Variants in FRAS1 observed in about 807,000 individuals in gnomAD.
FRAS1 encodes Fraser extracellular matrix complex subunit 1, also known as extracellular matrix organizing protein FRAS1.
FRAS1 carries 290 observed loss-of-function variants against 435.2 expected under a neutral mutation model. That is an observed-to-expected ratio of 0.67 (90% CI 0.61 to 0.73). The LOEUF is 0.73. FRAS1 is among the 30% of genes least tolerant of loss of function. The pLI is 0.00. For missense variants in FRAS1, 4,860 were observed against 5,001.5 expected (o/e 0.97, Z 0.85); for synonymous variants, 1,800 against 1,851.0 (o/e 0.97, Z 0.71).
At position 78,066,129 on chromosome 4, in the gene FRAS1, AAC is replaced by A; in HGVS notation, c.108+114_108+115del. The A allele has an allele frequency of 3.9e-6, 3 of 777,552 alleles. No individual in the cohort carries two copies. The South Asian group carries it at 4.6e-5, about 12-fold the overall frequency. The allele number at this position is 777,552 out of a possible 1,614,324, so 48.2% of individuals were successfully genotyped here. A position where few individuals can be genotyped will look rare whatever the true frequency, so the allele number is the denominator to read the frequency against. On this transcript the variant is annotated intron_variant, in intron 2 of 73. Transcript: ENST00000512123. ...TTGTAGAATATGTTTATTTTTCTTC[AAC>A]GTTTGACAATTAGCCCTCATTCGGG... is the stretch of plus-strand genomic sequence containing the variant.
Position 78,477,947 on chromosome 4 carries a change from C to G in FRAS1, c.7984C>G (p.Gln2662Glu). 1 of 1,613,542 alleles carries G rather than the reference C, an allele frequency of 6.2e-7. No individual in the cohort carries two copies. The highest frequency in any genetic ancestry group is 8.5e-7 in the Non-Finnish European group (1 of 1,179,764). Reference sequence around the variant, plus strand: ...TTATGCCCTGTTAGGGGAATTCACCCAGGCGAAGGTCATTATCAACGATAC... The same window carrying G: ...TTATGCCCTGTTAGGGGAATTCACCGAGGCGAAGGTCATTATCAACGATAC... ...PAYALLGEFT[Q>E]AKVIINDTED... The change falls in exon 55 of 74, where the codon CAG becomes GAG. Residue 2662 changes from glutamine to glutamate, a missense_variant. By Grantham distance (29) the Gln-to-Glu change is conservative. Transcript: ENST00000512123.
chr4:78,120,245 C>T (rs1279357687), intron 2 of FRAS1, among the ~76,000 whole-genome samples: 1 of 152,086 alleles, frequency 6.6e-6, no homozygotes, highest in African/African-American at 2.4e-5. Flanking sequence ...AACAACAAAC[C>T]TTGTTTATGT....
intron 15 of FRAS1, among the ~76,000 whole-genome samples, chr4:78,310,546 A>C: frequency 6.6e-6 from 1 of 152,228 alleles, no homozygotes; most frequent in Non-Finnish European, 1.5e-5. Context: ...GAATCAACAG[A>C]TCTACAAGTA....
chr4:78,453,302 A>G (rs535977539), intron 47 of FRAS1, among the ~76,000 whole-genome samples: 13 of 152,332 alleles, frequency 8.5e-5, no homozygotes, highest in African/African-American at 2.9e-4. Flanking sequence ...TTGGCCAGGT[A>G]GAAGGTAGTG....
intron 3 of FRAS1, among the ~76,000 whole-genome samples, chr4:78,238,745 T>A (rs1724870672): frequency 6.6e-6 from 1 of 152,094 alleles, no homozygotes; most frequent in Non-Finnish European, 1.5e-5. Flanking sequence ...AAAAACGCCA[T>A]GAAAAATGCC....
intron 50 of FRAS1, among the ~76,000 whole-genome samples, chr4:78,467,926 A>AT (rs377614677): frequency 6.6e-6 from 1 of 152,034 alleles, no homozygotes; most frequent in African/African-American, 2.4e-5. Flanking sequence ...AGATTATTAG[A>AT]TTTTTTCCTG....
intron 2 of FRAS1, among the ~76,000 whole-genome samples, chr4:78,127,895 C>A (rs1412177338): frequency 7.4e-6 from 1 of 135,944 alleles, no homozygotes; most frequent in Non-Finnish European, 1.6e-5. Context: ...AATGCTATCC[C>A]TTCCCCCTCC....
At chr4:78,427,073 A>G (rs886796391) in intron 35 of FRAS1, among the ~76,000 whole-genome samples, 1 of 152,130 alleles carries the variant, frequency 6.6e-6, no homozygotes, top group Non-Finnish European at 1.5e-5. Flanking sequence ...TTAATCCTCA[A>G]TGTGGCAGTA....
At chr4:78,255,107 A>T (rs1300455881) in intron 5 of FRAS1, 135 bp from the exon 6 acceptor site, 1 of 813,506 alleles carries the variant, frequency 1.2e-6, no homozygotes, top group East Asian at 2.7e-5. Flanking sequence ...ACTGCAGAGC[A>T]TTGAACACCA....
At chr4:78,453,372 T>C (rs1375913999) in intron 47 of FRAS1, among the ~76,000 whole-genome samples, 3 of 152,154 alleles carry the variant, frequency 2.0e-5, no homozygotes, top group Non-Finnish European at 4.4e-5. Context: ...CGAGAGAGAA[T>C]TCCTGTACCT....
chr4:78,268,323 G>T (rs952149493), intron 9 of FRAS1, among the ~76,000 whole-genome samples: 1 of 152,118 alleles, frequency 6.6e-6, no homozygotes, highest in Non-Finnish European at 1.5e-5. Flanking sequence ...TCATCGGCAG[G>T]GTTATTTTTC....
At chr4:78,409,215 T>C (rs1733228228) in intron 31 of FRAS1, among the ~76,000 whole-genome samples, 1 of 150,540 alleles carries the variant, frequency 6.6e-6, no homozygotes, top group South Asian at 2.1e-4. Flanking sequence ...TATAAATTAA[T>C]AATAAAAGGA....
chr4:78,287,021 T>C (rs528365084), intron 14 of FRAS1, among the ~76,000 whole-genome samples: 1 of 152,334 alleles, frequency 6.6e-6, no homozygotes, highest in South Asian at 2.1e-4. Flanking sequence ...TACCTGAGAC[T>C]GGATAATTTA....
chr4:78,098,804 A>G (rs948546223), intron 2 of FRAS1, among the ~76,000 whole-genome samples: 1 of 152,236 alleles, frequency 6.6e-6, no homozygotes, highest in South Asian at 2.1e-4. Context: ...AGTAATATTA[A>G]TTACTTCACT....
chr4:78,220,157 T>TA (rs1044376182), intron 2 of FRAS1, among the ~76,000 whole-genome samples: 1 of 152,228 alleles, frequency 6.6e-6, no homozygotes, highest in Admixed American at 6.5e-5. Flanking sequence ...CTTTGAATGA[T>TA]ACAGACACAA....
intron 29 of FRAS1, among the ~76,000 whole-genome samples, chr4:78,396,980 C>T (rs886436684): frequency 5.9e-5 from 9 of 152,112 alleles, no homozygotes; most frequent in African/African-American, 2.2e-4. Flanking sequence ...TTAAGATGTC[C>T]ACGGTGCTTC....
chr4:78,116,594 T>G (rs866570452), intron 2 of FRAS1, among the ~76,000 whole-genome samples: 18 of 152,232 alleles, frequency 1.2e-4, no homozygotes, highest in African/African-American at 4.1e-4. Context: ...ATGGCCTTCT[T>G]TGTCTCTTTT....
intron 18 of FRAS1, 106 bp downstream of exon 18, chr4:78,319,092 G>T (rs1190896401): frequency 1.8e-6 from 2 of 1,126,286 alleles, no homozygotes; most frequent in African/African-American, 1.5e-5. Context: ...TTTTAGAATG[G>T]TTCCTAGATG....
Position 78,488,948 on chromosome 4 carries a change from T to G in FRAS1, c.8826T>G (p.Thr2942=), listed in dbSNP as rs1200796139. ...AGGGTGTCCTGCATGTCCCTATCACTCGGAGCGGAGACCTGAGCTATGAGT... is the reference window on the plus strand; with the variant it reads ...AGGGTGTCCTGCATGTCCCTATCACGCGGAGCGGAGACCTGAGCTATGAGT... ...EKEGVLHVPI[T]RSGDLSYESS... The change falls in exon 59 of 74, where the codon ACT becomes ACG. Residue 2942 remains threonine (T), a synonymous_variant. Transcript: ENST00000512123. 3.7e-6 allele frequency: 6 copies of G among 1,613,560 alleles called. No homozygotes were observed. Among genetic ancestry groups the G allele is most frequent in the Non-Finnish European group, 5.1e-6 (6 of 1,179,722 alleles).
Sources: gnomAD v4.1 joint callset for allele counts (sites outside exome capture counted in the v4.1 genomes callset) on GRCh38, gnomAD v4.1.1 for gene constraint, MANE v1.5 for transcripts, NCBI Gene and HGNC (gene_info 2026-07-23, HGNC 2026-07-21) for gene names.